FIRRM: variants seen among roughly 807,000 people sequenced by gnomAD.
The protein encoded by FIRRM is FIGNL1 interacting regulator of recombination and mitosis, also known as FIGNL1-interacting regulator of recombination and mitosis.
the FIRRM span, among the ~76,000 whole-genome samples, chr1:169,817,514 A>C: frequency 6.6e-6 from 1 of 152,218 alleles, no homozygotes; most frequent in East Asian, 1.9e-4. Flanking sequence ...ACACATGCCA[A>C]TAACATATTT....
the FIRRM span, among the ~76,000 whole-genome samples, chr1:169,834,859 A>G: frequency 1.3e-5 from 2 of 152,228 alleles, no homozygotes; most frequent in Admixed American, 6.5e-5. Flanking sequence ...ATTTATAAAG[A>G]TACTCATATT....
chr1:169,803,362 G>T, the FIRRM span: 1 of 1,493,888 alleles, frequency 6.7e-7, no homozygotes, highest in Non-Finnish European at 9.1e-7. Flanking sequence ...TGTGCATAGG[G>T]GCTGAGTAAA....
chr1:169,851,840 A>G, the FIRRM span: 1 of 1,613,994 alleles, frequency 6.2e-7, no homozygotes. Context: ...ATGAAACTGA[A>G]GCTGCCAAAG....
At chr1:169,846,261 G>T in the FIRRM span, among the ~76,000 whole-genome samples, 1 of 152,068 alleles carries the variant, frequency 6.6e-6, no homozygotes, top group Non-Finnish European at 1.5e-5. Context: ...TGGCTTTGTT[G>T]TTCCATTGAT....
the FIRRM span, chr1:169,792,419 G>A: frequency 2.1e-5 from 12 of 576,556 alleles, no homozygotes; most frequent in East Asian, 3.8e-4. Flanking sequence ...TTCACCTAGT[G>A]AGTAAAAGAC....
At chr1:169,850,266 G>A in the FIRRM span, 5 of 1,603,386 alleles carry the variant, frequency 3.1e-6, no homozygotes, top group Non-Finnish European at 4.3e-6. Context: ...TTTTAATAGG[G>A]AACAAATCAT....
chr1:169,841,868 C>A, the FIRRM span, among the ~76,000 whole-genome samples: 4 of 151,760 alleles, frequency 2.6e-5, no homozygotes, highest in Non-Finnish European at 4.4e-5. Flanking sequence ...TTTGGGTTAC[C>A]AACATTTCAC....
chr1:169,832,935 G>C, the FIRRM span, among the ~76,000 whole-genome samples: 4 of 152,190 alleles, frequency 2.6e-5, no homozygotes, highest in African/African-American at 9.6e-5. Flanking sequence ...TTAAATACTG[G>C]TGTGATCTAA....
At chr1:169,806,338 T>C in the FIRRM span, among the ~76,000 whole-genome samples, 1 of 152,242 alleles carries the variant, frequency 6.6e-6, no homozygotes. Context: ...TAATGGGCCA[T>C]GGGCCAGACT....
chr1:169,853,231 A>G, the FIRRM span: 1,512 of 483,130 alleles, frequency 3.1e-3, 23 homozygotes, highest in African/African-American at 0.027. Context: ...CAGATAGTCT[A>G]ACTGTAAACA....
chr1:169,821,724 CG>C, the FIRRM span: 42 of 1,611,326 alleles, frequency 2.6e-5, no homozygotes, highest in East Asian at 9.0e-5. Flanking sequence ...CAAATTGTGT[CG>C]TTTTTTTGCC....
chr1:169,849,576 C>T, the FIRRM span: 1 of 1,613,848 alleles, frequency 6.2e-7, no homozygotes. Flanking sequence ...GAACAACATA[C>T]CTTGGAGGCG....
At chr1:169,821,734 C>T in the FIRRM span, 1 of 1,609,540 alleles carries the variant, frequency 6.2e-7, no homozygotes, top group Non-Finnish European at 8.5e-7. Context: ...CGTTTTTTTG[C>T]CAACTCCCTT....
At chr1:169,820,001 G>C in the FIRRM span, among the ~76,000 whole-genome samples, 1,158 of 152,228 alleles carry the variant, frequency 7.6e-3, 17 homozygotes, top group African/African-American at 0.026. Context: ...GCTTGCAAAG[G>C]CTCAAGATAA....
chr1:169,819,994 TGCAAAG>T, the FIRRM span, among the ~76,000 whole-genome samples: 5 of 152,160 alleles, frequency 3.3e-5, no homozygotes, highest in Admixed American at 2.6e-4. Context: ...ATTTTGAGCT[TGCAAAG>T]GCTCAAGATA....
At chr1:169,794,631 A>T in the FIRRM span, 7 of 163,812 alleles carry the variant, frequency 4.3e-5, no homozygotes, top group Admixed American at 2.4e-4. Context: ...TACAAGATTT[A>T]CAATTTGGGG....
the FIRRM span, among the ~76,000 whole-genome samples, chr1:169,823,854 C>A: frequency 6.6e-6 from 1 of 151,906 alleles, no homozygotes; most frequent in African/African-American, 2.4e-5. Context: ...CATTTTGATA[C>A]CTTTCTGTAA....
chr1:169,805,977 T>TAA, the FIRRM span: 1 of 1,448,950 alleles, frequency 6.9e-7, no homozygotes, highest in Non-Finnish European at 9.6e-7. Flanking sequence ...TTGGATGTCT[T>TAA]AAAAGTTCTG....
chr1:169,848,137 ATTAAAG>A, the FIRRM span, among the ~76,000 whole-genome samples: 1 of 152,162 alleles, frequency 6.6e-6, no homozygotes. Context: ...TTGGTAATTT[ATTAAAG>A]TTATTCTCTT....
Sources: gnomAD v4.1 joint callset for allele counts (sites outside exome capture counted in the v4.1 genomes callset) on GRCh38, gnomAD v4.1.1 for gene constraint, MANE v1.5 for transcripts, NCBI Gene and HGNC (gene_info 2026-07-23, HGNC 2026-07-21) for gene names.